Variants in SPACA7 observed in about 807,000 individuals in gnomAD.
SPACA7 encodes the protein sperm acrosome associated 7.
Under a neutral mutation model 26.3 loss-of-function variants are expected in SPACA7, and 19 were observed. The observed-to-expected ratio is 0.72, with a 90% CI of 0.50 to 1.06. The LOEUF (loss-of-function observed/expected upper bound fraction) is 1.06, where lower values mean the gene tolerates loss of function less well. Ranked by LOEUF, SPACA7 falls within the 50% of genes least tolerant of loss-of-function variation. The pLI is 0.00. For missense variants in SPACA7, 211 were observed against 229.9 expected (o/e 0.92, Z 0.53); for synonymous variants, 84 against 84.5 (o/e 0.99, Z 0.04).
chr13:112,392,922 G>A, intron 1 of SPACA7, 99 bp from the exon 2 acceptor site: 4 of 946,184 alleles, frequency 4.2e-6, no homozygotes, highest in East Asian at 2.6e-5. Flanking sequence ...TTCCTCTAGA[G>A]GGGGCTGGTG....
intron 1 of SPACA7, among the ~76,000 whole-genome samples, chr13:112,383,116 AAAAGAAAAGAAAGAAAGAAAGAAAGAAAG>A (rs1438262749): frequency 0.085 from 2,864 of 33,634 alleles, 143 homozygotes; most frequent in African/African-American, 0.096. Flanking sequence ...AAAAGAAAAG[AAAAGAAAAGAAAGAAAGAAAGAAAGAAAG>A]AAAGAAAGAA....
At chr13:112,424,505 T>C (rs1876334941) in intron 5 of SPACA7, among the ~76,000 whole-genome samples, 1 of 152,038 alleles carries the variant, frequency 6.6e-6, no homozygotes, top group Non-Finnish European at 1.5e-5. Flanking sequence ...GACAATGGCA[T>C]TGTGTTGGGG....
At chr13:112,396,849 G>A (rs1434123192) in intron 2 of SPACA7, among the ~76,000 whole-genome samples, 1 of 152,210 alleles carries the variant, frequency 6.6e-6, no homozygotes, top group Admixed American at 6.5e-5. Context: ...CCTCAAGCTC[G>A]TGCCTCATGA....
At chr13:112,407,305 G>T (rs1428236572) in intron 5 of SPACA7, among the ~76,000 whole-genome samples, 1 of 152,142 alleles carries the variant, frequency 6.6e-6, no homozygotes, top group Non-Finnish European at 1.5e-5. Context: ...ACAATGAAAA[G>T]AACTAGAGAA....
chr13:112,394,038 C>T (rs148157730), intron 2 of SPACA7, among the ~76,000 whole-genome samples: 4 of 151,832 alleles, frequency 2.6e-5, no homozygotes, highest in Admixed American at 6.5e-5. Flanking sequence ...TTTTATTTCA[C>T]GTGATGATTT....
At chr13:112,427,162 G>A (rs938918100) in intron 5 of SPACA7, among the ~76,000 whole-genome samples, 2 of 152,198 alleles carry the variant, frequency 1.3e-5, no homozygotes, top group African/African-American at 4.8e-5. Context: ...TACAAAGTCA[G>A]ACAGTAAATC....
chr13:112,399,026 GA>G lies in SPACA7; in HGVS notation c.242-36del, dbSNP rs776140130. The G allele has an allele frequency of 4.6e-6, 6 of 1,299,104 alleles. No homozygotes were observed. The Admixed American group carries it at 1.0e-4, about 23-fold the overall frequency. The allele number at this position is 1,299,104 out of a possible 1,614,324, so 80.5% of individuals were successfully genotyped here. ...AAAATGTTTATACCTGTGTAATCAA[GA>G]AAACTTTTCCCCATTTTTTTCCATG... is the stretch of plus-strand genomic sequence containing the variant. On this transcript the variant is annotated intron_variant, in intron 3 of 6. Transcript: ENST00000283550.
At chr13:112,411,086 C>A (rs75959316) in intron 5 of SPACA7, among the ~76,000 whole-genome samples, 5,256 of 151,310 alleles carry the variant, frequency 0.035, 122 homozygotes, top group Admixed American at 0.05. Flanking sequence ...TCATCACAAC[C>A]CTGTCAAAAT....
At position 112,383,097 on chromosome 13, in the gene SPACA7, AG is replaced by A. The variant is rs60964956; in HGVS notation, c.94+6619del. Among the ~76,000 whole-genome samples the A allele has an allele frequency of 2.9e-3, 133 of 45,422 alleles. 1 individual carries two copies. The highest frequency in any genetic ancestry group is 8.2e-3 in the African/African-American group (122 of 14,912). 29.8% of individuals were successfully genotyped at this position (45,422 alleles called of 152,430 possible). On this transcript the variant is annotated intron_variant, in intron 1 of 6. Transcript: ENST00000283550. ...GAAAGAAAGAAAAAGAAAGAAAGAA[AG>A]AAGAAAGAAAAGAAAAGAAAAGAAA...
chr13:112,389,205 G>T (rs1277291607), intron 1 of SPACA7, among the ~76,000 whole-genome samples: 2 of 152,214 alleles, frequency 1.3e-5, no homozygotes, highest in African/African-American at 4.8e-5. Flanking sequence ...AGTTAGTTCG[G>T]CCTATGCTCA....
chr13:112,403,622 T>G (rs902076279), intron 5 of SPACA7, among the ~76,000 whole-genome samples: 1 of 152,210 alleles, frequency 6.6e-6, no homozygotes, highest in African/African-American at 2.4e-5. Context: ...GTCATTCTTA[T>G]GCCTTTCCAT....
intron 2 of SPACA7, among the ~76,000 whole-genome samples, chr13:112,396,524 G>A (rs552955297): frequency 1.5e-4 from 23 of 151,916 alleles, no homozygotes; most frequent in Admixed American, 2.6e-4. Flanking sequence ...CTGAGGCTGG[G>A]CCATCCTTGG....
intron 5 of SPACA7, among the ~76,000 whole-genome samples, chr13:112,407,441 A>G (rs944002022): frequency 6.6e-6 from 1 of 152,200 alleles, no homozygotes; most frequent in Non-Finnish European, 1.5e-5. Flanking sequence ...TGGTTTTTTG[A>G]AAAGATCAAC....
intron 5 of SPACA7, among the ~76,000 whole-genome samples, chr13:112,407,757 A>G (rs928191627): frequency 3.3e-5 from 5 of 152,240 alleles, no homozygotes; most frequent in Non-Finnish European, 7.3e-5. Context: ...GTCCAGGACC[A>G]GACGGATTCA....
At position 112,398,111 on chromosome 13, in the gene SPACA7, A is replaced by G. The variant is rs1885400489; in HGVS notation, c.214A>G (p.Thr72Ala). Residue 72 changes from threonine (T) to alanine (A), a missense_variant, in exon 3 of 7, where the codon ACA (threonine) becomes GCA (alanine). By Grantham distance (58) the Thr-to-Ala change is moderately conservative. Coordinates refer to ENST00000283550, the MANE Select transcript of SPACA7 (RefSeq NM_145248.5). The stretch of plus-strand genomic sequence containing the variant: ...AACAACACCGAGCGAAATGCCAAGT[A>G]CAGCATCAACATTATCAACACCGTT... ...NKTTPSEMPSTASTLSTPLHA... is the reference protein window; with the variant it reads ...NKTTPSEMPSAASTLSTPLHA... 1 of 1,613,820 alleles carries G rather than the reference A, an allele frequency of 6.2e-7. No individual in the cohort carries two copies. The highest frequency in any genetic ancestry group is 1.1e-5 in the South Asian group (1 of 91,078).
chr13:112,417,154 A>C (rs1228503706), intron 5 of SPACA7, among the ~76,000 whole-genome samples: 2 of 152,198 alleles, frequency 1.3e-5, no homozygotes, highest in African/African-American at 4.8e-5. Flanking sequence ...TCCTTTCAAA[A>C]TTAGACTCAC....
At chr13:112,382,985 G>A (rs9550065) in intron 1 of SPACA7, among the ~76,000 whole-genome samples, 60,886 of 134,146 alleles carry the variant, frequency 0.45, 13,057 homozygotes, top group East Asian at 0.67. Flanking sequence ...GTGAAACTCC[G>A]TCTAAAAAGA....
At position 112,434,628 on chromosome 13, in the gene SPACA7, G is replaced by A; in HGVS notation, c.*79G>A. 1.8e-6 allele frequency: 2 copies of A among 1,142,090 alleles called. No homozygotes were observed. Among genetic ancestry groups the A allele is most frequent in the Non-Finnish European group, 2.6e-6 (2 of 775,590 alleles). 70.7% of individuals were successfully genotyped at this position (1,142,090 alleles called of 1,614,324 possible). On this transcript the variant is annotated 3_prime_UTR_variant, in exon 7 of 7. Coordinates refer to ENST00000283550, the MANE Select transcript of SPACA7 (RefSeq NM_145248.5). ...CACCAGCCTCCGGAACAGGGCACTT[G>A]TGTGCACACGCCCACGTTCTCTGAA...
At chr13:112,380,789 G>A (rs1007210376) in intron 1 of SPACA7, among the ~76,000 whole-genome samples, 1 of 152,088 alleles carries the variant, frequency 6.6e-6, no homozygotes, top group Non-Finnish European at 1.5e-5. Context: ...CTTTGCACAG[G>A]AAGTTGTTTT....
Sources: allele counts gnomAD v4.1 joint callset (sites outside exome capture counted in the v4.1 genomes callset), GRCh38; gene constraint gnomAD v4.1.1; transcripts MANE v1.5; gene names NCBI Gene and HGNC (gene_info 2026-07-23, HGNC 2026-07-21).